Variants in CREBRF observed in about 807,000 individuals in gnomAD.
CREBRF encodes CREB3 regulatory factor.
A neutral mutation model predicts 66.1 loss-of-function variants in CREBRF; 5 were observed. That is an observed-to-expected ratio of 0.08 (90% CI 0.04 to 0.16). CREBRF has a LOEUF of 0.16. Ranked by LOEUF, CREBRF falls within the 10% of genes least tolerant of loss-of-function variation. CREBRF has a pLI of 1.00. For synonymous variants in CREBRF, 229 were observed against 264.4 expected (o/e 0.87, Z 1.30); for missense variants, 531 against 744.9 (o/e 0.71, Z 3.34).
rs1165802419 is a variant in CREBRF, at chr5:173,110,666, C to T, written c.1562C>T (p.Thr521Ile). 1 of 1,613,314 alleles carries T rather than the reference C, an allele frequency of 6.2e-7. No homozygotes were observed. The highest frequency in any genetic ancestry group is 2.2e-5 in the East Asian group (1 of 44,876). ...ACTCCAGTCAGTGAGCTTCCCTTAA[C>T]AGCCCGACCAAGGTCAAGGAAGGAA... ...DLTPVSELPLTARPRSRKEKN... is the reference protein window; with the variant it reads ...DLTPVSELPLIARPRSRKEKN... The change falls in exon 6 of 9, where the codon ACA (threonine) becomes ATA (isoleucine). Residue 521 changes from threonine (T) to isoleucine (I), a missense_variant. Thr to Ile is a moderately conservative substitution (Grantham distance 89, BLOSUM62 -1). This residue lies in a region of CREBRF where 25 missense variants were observed against 55.3 expected (regional missense o/e 0.45). Transcript: ENST00000296953.
At chr5:173,068,522 A>G (rs1348735912) in intron 1 of CREBRF, among the ~76,000 whole-genome samples, 1 of 152,230 alleles carries the variant, frequency 6.6e-6, no homozygotes, top group Non-Finnish European at 1.5e-5. Context: ...TGTTTGAACA[A>G]TAAAGAGCAA....
At chr5:173,102,686 T>C (rs1758655443) in intron 4 of CREBRF, among the ~76,000 whole-genome samples, 1 of 152,078 alleles carries the variant, frequency 6.6e-6, no homozygotes, top group South Asian at 2.1e-4. Flanking sequence ...TGGTCCTGAC[T>C]CCACAGGCAC....
intron 1 of CREBRF, among the ~76,000 whole-genome samples, chr5:173,058,915 C>T (rs1561786920): frequency 6.6e-6 from 1 of 151,148 alleles, no homozygotes; most frequent in Non-Finnish European, 1.5e-5. Context: ...CCTGCCTCAG[C>T]CTCCCGAGTA....
At chr5:173,098,863 G>C (rs1387292108) in intron 4 of CREBRF, among the ~76,000 whole-genome samples, 1 of 149,104 alleles carries the variant, frequency 6.7e-6, no homozygotes, top group African/African-American at 2.5e-5. Context: ...TCTTGTGATA[G>C]TTGTTATTTT....
intron 1 of CREBRF, among the ~76,000 whole-genome samples, chr5:173,064,452 C>T (rs146855731): frequency 0.038 from 5,826 of 152,092 alleles, 233 homozygotes; most frequent in African/African-American, 0.095. Context: ...GGCACGATCA[C>T]GGCTCACTGC....
chr5:173,111,302 TCTCA>T (rs1424632437), intron 6 of CREBRF, among the ~76,000 whole-genome samples: 2 of 151,498 alleles, frequency 1.3e-5, no homozygotes, highest in Non-Finnish European at 2.9e-5. Context: ...TGAGACAGAG[TCTCA>T]CTCTGTCACA....
intron 2 of CREBRF, among the ~76,000 whole-genome samples, chr5:173,082,869 A>G (rs1344369916): frequency 7.5e-6 from 1 of 133,534 alleles, no homozygotes; most frequent in African/African-American, 2.8e-5. Context: ...AGATCACGCC[A>G]CTGCACTCCA....
rs1759547603 is a variant in CREBRF at position 173,134,648 on chromosome 5, T to C, written c.*903T>C. On this transcript the variant is annotated 3_prime_UTR_variant, in exon 9 of 9. Transcript: ENST00000296953. The stretch of plus-strand genomic sequence containing the variant: ...TTGCACATTATTGCGATTGTTTTAT[T>C]TTTTGTACCAAAGACAAATGCAACT... 1 of 152,946 alleles carries C rather than the reference T, an allele frequency of 6.5e-6. No homozygotes were observed. Among genetic ancestry groups the C allele is most frequent in the East Asian group, 1.9e-4 (1 of 5,212 alleles). 9.5% of individuals were successfully genotyped at this position (152,946 alleles called of 1,614,324 possible). A position where few individuals can be genotyped will look rare whatever the true frequency, so the allele number is the denominator to read the frequency against.
At chr5:173,067,726 C>T (rs141834753) in intron 1 of CREBRF, among the ~76,000 whole-genome samples, 17 of 152,138 alleles carry the variant, frequency 1.1e-4, no homozygotes, top group African/African-American at 4.1e-4. Context: ...GGCCGGGTGC[C>T]GTGGCTCACA....
chr5:173,089,955 C>A (rs1244156101), intron 3 of CREBRF, among the ~76,000 whole-genome samples: 1 of 152,060 alleles, frequency 6.6e-6, no homozygotes, highest in Non-Finnish European at 1.5e-5. Context: ...CCCACCCTAC[C>A]ACCACTAAGG....
intron 4 of CREBRF, among the ~76,000 whole-genome samples, chr5:173,095,346 G>A (rs1217138501): frequency 2.0e-5 from 3 of 151,444 alleles, no homozygotes; most frequent in Non-Finnish European, 4.4e-5. Flanking sequence ...CCGCCACCAC[G>A]CCCAGCTAAT....
intron 1 of CREBRF, among the ~76,000 whole-genome samples, chr5:173,061,298 G>A (rs952446062): frequency 1.3e-5 from 2 of 152,146 alleles, no homozygotes; most frequent in Non-Finnish European, 2.9e-5. Flanking sequence ...TAGATGTTAA[G>A]GTATTTCAGA....
At chr5:173,061,707 G>A (rs1757278659) in intron 1 of CREBRF, among the ~76,000 whole-genome samples, 1 of 152,168 alleles carries the variant, frequency 6.6e-6, no homozygotes. Context: ...CATTGCCTGA[G>A]ATGCTTGAAG....
At chr5:173,126,835 G>A (rs1187673884) in intron 8 of CREBRF, among the ~76,000 whole-genome samples, 1 of 152,120 alleles carries the variant, frequency 6.6e-6, no homozygotes, top group Non-Finnish European at 1.5e-5. Context: ...TGTTTTCCAT[G>A]GGTTTATGGT....
Position 173,091,640 on chromosome 5 carries a change from TTTC to T in CREBRF, c.1222+242_1222+244del, listed in dbSNP as rs1478715179. 3 of 1,195,150 alleles carry T rather than the reference TTTC, an allele frequency of 2.5e-6. No individual in the cohort carries two copies. The African/African-American group carries it at 4.8e-5, about 19-fold the overall frequency. 74.0% of individuals were successfully genotyped at this position (1,195,150 alleles called of 1,614,324 possible). A position where few individuals can be genotyped will look rare whatever the true frequency, so the allele number is the denominator to read the frequency against. ...TGAGGGCTTATTTTTTATTATTTTA[TTTC>T]TTATTTTTAAAATTAAAATAGAGAT... On this transcript the variant is annotated intron_variant, in intron 4 of 8. Transcript: ENST00000296953.
At chr5:173,110,478 TA>T in intron 5 of CREBRF, 43 bp from the exon 6 acceptor site, 1 of 1,405,506 alleles carries the variant, frequency 7.1e-7, no homozygotes, top group South Asian at 1.2e-5. Context: ...TGTCTCTTGT[TA>T]ATTAAAGTGA....
intron 1 of CREBRF, among the ~76,000 whole-genome samples, chr5:173,067,461 C>T (rs1757466532): frequency 6.6e-6 from 1 of 152,122 alleles, no homozygotes; most frequent in South Asian, 2.1e-4. Context: ...AAAGAGGATA[C>T]CTCTTTTTAG....
chr5:173,089,163 T>G, intron 3 of CREBRF, among the ~76,000 whole-genome samples: 3 of 126,062 alleles, frequency 2.4e-5, no homozygotes, highest in Admixed American at 1.9e-4. Flanking sequence ...GGTGACAGAG[T>G]GAGACTCCAT....
intron 2 of CREBRF, among the ~76,000 whole-genome samples, chr5:173,082,948 C>T (rs1339730775): frequency 1.0e-5 from 1 of 100,162 alleles, no homozygotes; most frequent in East Asian, 3.2e-4. Flanking sequence ...AAAAAAAAAC[C>T]GGGTGCAGTG....
Sources: allele counts gnomAD v4.1 joint callset (sites outside exome capture counted in the v4.1 genomes callset), GRCh38; gene constraint gnomAD v4.1.1; regional missense constraint gnomAD v4.1.1; transcripts MANE v1.5; gene names NCBI Gene and HGNC (gene_info 2026-07-23, HGNC 2026-07-21).